SHANK2: variants seen among roughly 807,000 people sequenced by gnomAD.
The protein encoded by SHANK2 is SH3 and multiple ankyrin repeat domains 2.
Under a neutral mutation model 133.7 loss-of-function variants are expected in SHANK2, and 43 were observed. The ratio of observed to expected loss-of-function variants is 0.32; its 90% CI spans 0.25 to 0.41. The LOEUF (loss-of-function observed/expected upper bound fraction) is 0.41, where lower values mean the gene tolerates loss of function less well. SHANK2 is among the 10% of genes least tolerant of loss of function. The probability of loss-of-function intolerance (pLI) is 1.00; values close to 1 mark genes in which losing one functional copy is unlikely to be tolerated. For synonymous variants in SHANK2, 1,017 were observed against 952.8 expected (o/e 1.07, Z -1.24); for missense variants, 1,994 against 2,235.8 (o/e 0.89, Z 2.18).
chr11:71,189,821 G>C (rs1359465256), intron 2 of SHANK2, among the ~76,000 whole-genome samples: 1 of 152,228 alleles, frequency 6.6e-6, no homozygotes, highest in East Asian at 1.9e-4. Flanking sequence ...CTGCCCTTGG[G>C]GGTGAATGAA....
chr11:70,617,556 C>T (rs1002597085), intron 17 of SHANK2, among the ~76,000 whole-genome samples: 1 of 152,108 alleles, frequency 6.6e-6, no homozygotes, highest in Non-Finnish European at 1.5e-5. Flanking sequence ...GGGGCAGACG[C>T]AGCTGTCGCC....
At chr11:70,927,078 A>G (rs1555081743) in intron 10 of SHANK2, among the ~76,000 whole-genome samples, 1 of 152,226 alleles carries the variant, frequency 6.6e-6, no homozygotes, top group African/African-American at 2.4e-5. Context: ...CCAGGCAGGC[A>G]CACATCATGT....
chr11:70,760,281 C>T (rs1946965155), intron 14 of SHANK2, among the ~76,000 whole-genome samples: 1 of 152,258 alleles, frequency 6.6e-6, no homozygotes, highest in Non-Finnish European at 1.5e-5. Context: ...CCGTTCCACC[C>T]TCACCTCCTC....
chr11:70,860,264 G>A (rs560791135), intron 11 of SHANK2, among the ~76,000 whole-genome samples: 1 of 152,240 alleles, frequency 6.6e-6, no homozygotes, highest in South Asian at 2.1e-4. Flanking sequence ...TTGGGTGCGG[G>A]GGATTTTCTC....
chr11:71,130,979 G>C (rs577864201), intron 3 of SHANK2, among the ~76,000 whole-genome samples: 9 of 152,358 alleles, frequency 5.9e-5, no homozygotes, highest in African/African-American at 2.2e-4. Flanking sequence ...TTCCTCTGCA[G>C]CTACGGTTTC....
intron 8 of SHANK2, among the ~76,000 whole-genome samples, chr11:71,080,586 T>C (rs1471915747): frequency 2.6e-5 from 4 of 152,240 alleles, no homozygotes; most frequent in Non-Finnish European, 5.9e-5. Flanking sequence ...CTTGGCTCTG[T>C]GCCCCAAACA....
chr11:70,755,176 A>G (rs1246037419), intron 14 of SHANK2, among the ~76,000 whole-genome samples: 3 of 151,058 alleles, frequency 2.0e-5, no homozygotes, highest in Non-Finnish European at 4.4e-5. Context: ...GGTTCAAGTG[A>G]TTCTCCTGAC....
At chr11:71,120,624 C>T (rs1172499934) in intron 3 of SHANK2, among the ~76,000 whole-genome samples, 5 of 152,152 alleles carry the variant, frequency 3.3e-5, no homozygotes, top group Admixed American at 6.5e-5. Flanking sequence ...GTGTGGCTCT[C>T]AAAGCTCCCC....
chr11:71,073,147 C>CTTTTTTTTTTTTGTTTTTTTT (rs1156355131), intron 9 of SHANK2, among the ~76,000 whole-genome samples: 1 of 62,716 alleles, frequency 1.6e-5, no homozygotes, highest in East Asian at 4.5e-4. Context: ...TTTTTCTTTT[C>CTTTTTTTTTTTTGTTTTTTTT]TTTTTTTTCT....
chr11:71,111,251 C>T (rs1375556026), intron 5 of SHANK2, among the ~76,000 whole-genome samples: 1 of 152,222 alleles, frequency 6.6e-6, no homozygotes, highest in East Asian at 1.9e-4. Flanking sequence ...TTCCAGGACC[C>T]ACCTCCTGCC....
At chr11:70,616,022 C>T (rs1554995821) in intron 17 of SHANK2, among the ~76,000 whole-genome samples, 1 of 152,116 alleles carries the variant, frequency 6.6e-6, no homozygotes, top group African/African-American at 2.4e-5. Flanking sequence ...GAGACCAGAG[C>T]CTGCCTCTGG....
At chr11:71,103,574 A>G (rs782443279) in intron 6 of SHANK2, among the ~76,000 whole-genome samples, 1 of 152,212 alleles carries the variant, frequency 6.6e-6, no homozygotes, top group Non-Finnish European at 1.5e-5. Context: ...TGACAGGAAC[A>G]TTCTGGAACT....
chr11:70,665,401 A>C (rs1327695294), intron 15 of SHANK2, among the ~76,000 whole-genome samples: 3 of 152,112 alleles, frequency 2.0e-5, no homozygotes, highest in Non-Finnish European at 2.9e-5. Flanking sequence ...TCAGCCTCCA[A>C]GGTGCTGGGA....
chr11:70,539,030 C>T (rs111764077), intron 17 of SHANK2, among the ~76,000 whole-genome samples: 11 of 152,348 alleles, frequency 7.2e-5, no homozygotes, highest in South Asian at 2.1e-4. Flanking sequence ...GCCTCTCGCT[C>T]GGGGCCGATG....
intron 17 of SHANK2, among the ~76,000 whole-genome samples, chr11:70,578,306 C>T (rs10899208): frequency 0.22 from 32,884 of 152,166 alleles, 4,042 homozygotes; most frequent in East Asian, 0.46. Context: ...TCCTGCTCCC[C>T]CAAGACAGGA....
chr11:70,744,025 C>T (rs995551203), intron 14 of SHANK2, among the ~76,000 whole-genome samples: 6 of 152,198 alleles, frequency 3.9e-5, no homozygotes, highest in Non-Finnish European at 7.3e-5. Context: ...GCCTTCCCTC[C>T]GGATCTAACT....
chr11:70,624,576 G>T (rs1204550938), intron 17 of SHANK2, among the ~76,000 whole-genome samples: 4 of 151,296 alleles, frequency 2.6e-5, no homozygotes, highest in Non-Finnish European at 5.9e-5. Flanking sequence ...TTTCCCTTAA[G>T]GCAGCAGTCC....
intron 11 of SHANK2, chr11:70,826,434 C>T (rs532354380): frequency 2.1e-6 from 1 of 470,980 alleles, no homozygotes. Context: ...TGCTAATTCC[C>T]ATGCACCCGG....
At chr11:70,929,327 G>C (rs782287851) in intron 10 of SHANK2, among the ~76,000 whole-genome samples, 2 of 152,242 alleles carry the variant, frequency 1.3e-5, no homozygotes, top group Non-Finnish European at 2.9e-5. Flanking sequence ...TCAAAGAGCT[G>C]CTGGGAAGAT....
Sources: allele counts gnomAD v4.1 joint callset (sites outside exome capture counted in the v4.1 genomes callset), GRCh38; gene constraint gnomAD v4.1.1; transcripts MANE v1.5; gene names NCBI Gene and HGNC (gene_info 2026-07-23, HGNC 2026-07-21).